The following SGCZ variants were observed in gnomAD, a reference collection of about 807,000 sequenced individuals.
SGCZ encodes the protein zeta-sarcoglycan.
Under a neutral mutation model 41.3 loss-of-function variants are expected in SGCZ, and 40 were observed. The ratio of observed to expected loss-of-function variants is 0.97; its 90% CI spans 0.75 to 1.26. The LOEUF (loss-of-function observed/expected upper bound fraction) is 1.26, where lower values mean the gene tolerates loss of function less well. Ranked by LOEUF, SGCZ falls within the 50% of genes most tolerant of loss-of-function variation. The pLI is 0.00. For synonymous variants in SGCZ, 206 were observed against 137.5 expected, an observed-to-expected ratio of 1.50 and a Z score of -3.49; for missense variants, 552 against 369.8, an observed-to-expected ratio of 1.49 and a Z score of -4.04.
chr8:14,137,080 G>A (rs950468822), intron 5 of SGCZ, among the ~76,000 whole-genome samples: 1 of 152,166 alleles, frequency 6.6e-6, no homozygotes, highest in Admixed American at 6.5e-5. Context: ...GCAGCTATGG[G>A]TCCTGACTGT....
chr8:15,227,538 A>G (rs1485978802), intron 1 of SGCZ, among the ~76,000 whole-genome samples: 2 of 152,222 alleles, frequency 1.3e-5, no homozygotes, highest in African/African-American at 4.8e-5. Context: ...CTTTTGGGGT[A>G]GAAACATAAT....
Position 14,640,525 on chromosome 8 carries a change from T to C in SGCZ, c.40-85599A>G, listed in dbSNP as rs1294484553. ...TTTTCATCAGTTTCACAATAATGTA[T>C]CTTCGTGAATATTCCTCTGTTTTTA... is the stretch of plus-strand genomic sequence containing the variant. On this transcript the variant is annotated intron_variant, in intron 1 of 7. Transcript: ENST00000382080. Among the ~76,000 whole-genome samples, 7 of 151,784 alleles carry C rather than the reference T, an allele frequency of 4.6e-5. No homozygotes were observed. The Admixed American group carries it at 4.6e-4, about 10-fold the overall frequency.
At chr8:14,515,513 G>C (rs549018998) in intron 2 of SGCZ, among the ~76,000 whole-genome samples, 1 of 151,936 alleles carries the variant, frequency 6.6e-6, no homozygotes, top group Non-Finnish European at 1.5e-5. Context: ...ATATAGTCAA[G>C]TACCTTATTT....
At chr8:14,648,599 T>A (rs561163558) in intron 1 of SGCZ, among the ~76,000 whole-genome samples, 3 of 152,154 alleles carry the variant, frequency 2.0e-5, no homozygotes, top group African/African-American at 7.2e-5. Flanking sequence ...AAAGAAAAGG[T>A]TTTTTGTTTT....
intron 1 of SGCZ, among the ~76,000 whole-genome samples, chr8:15,201,274 C>G (rs566816270): frequency 6.6e-6 from 1 of 152,290 alleles, no homozygotes; most frequent in African/African-American, 2.4e-5. Flanking sequence ...ACCTCAGCCT[C>G]CCAAAGTGTT....
chr8:15,005,320 T>G (rs879460052), intron 1 of SGCZ, among the ~76,000 whole-genome samples: 12,990 of 53,732 alleles, frequency 0.24, 801 homozygotes, highest in South Asian at 0.34. Flanking sequence ...CCCCGTTTTT[T>G]TCTTTTTCTT....
chr8:14,522,918 T>C (rs1802833202), intron 2 of SGCZ, among the ~76,000 whole-genome samples: 1 of 151,876 alleles, frequency 6.6e-6, no homozygotes, highest in South Asian at 2.1e-4. Flanking sequence ...ATGTTGTCTT[T>C]TAGTTTTTAT....
intron 1 of SGCZ, among the ~76,000 whole-genome samples, chr8:14,680,545 T>A (rs1288353847): frequency 1.3e-5 from 2 of 150,636 alleles, no homozygotes; most frequent in African/African-American, 4.8e-5. Context: ...ATCACTCATA[T>A]AAACGGAGCA....
intron 1 of SGCZ, chr8:14,878,910 TTTG>T (rs374612950): frequency 0.05 from 7,595 of 152,090 alleles, 222 homozygotes; most frequent in Non-Finnish European, 0.062. Flanking sequence ...TTCTTACAGT[TTTG>T]TTGTTGTTGT....
chr8:14,206,762 G>A (rs929660433), intron 4 of SGCZ, among the ~76,000 whole-genome samples: 13 of 152,146 alleles, frequency 8.5e-5, no homozygotes, highest in African/African-American at 3.1e-4. Flanking sequence ...TGTTAGGAAT[G>A]GCCATGCCAG....
chr8:14,090,727 A>C (rs1288921471), intron 7 of SGCZ, 90 bp from the exon 8 acceptor site: 9 of 1,128,336 alleles, frequency 8.0e-6, no homozygotes, highest in Non-Finnish European at 1.1e-5. Context: ...CTAATAAGGA[A>C]GTCGACACAA....
At chr8:14,384,313 T>C (rs1804487645) in intron 2 of SGCZ, among the ~76,000 whole-genome samples, 1 of 152,148 alleles carries the variant, frequency 6.6e-6, no homozygotes, top group Non-Finnish European at 1.5e-5. Context: ...TTTTTATGGC[T>C]GCACAGTTGT....
At chr8:14,271,863 C>G (rs1421089540) in intron 3 of SGCZ, among the ~76,000 whole-genome samples, 3 of 152,152 alleles carry the variant, frequency 2.0e-5, no homozygotes, top group Non-Finnish European at 4.4e-5. Context: ...AGCTTTACAT[C>G]TCTCTTTATA....
At chr8:14,960,541 C>T (rs1800930862) in intron 1 of SGCZ, among the ~76,000 whole-genome samples, 1 of 152,088 alleles carries the variant, frequency 6.6e-6, no homozygotes, top group Non-Finnish European at 1.5e-5. Context: ...TCTTCATTTT[C>T]TTAATCTTGA....
At chr8:15,203,702 A>C (rs769900600) in intron 1 of SGCZ, among the ~76,000 whole-genome samples, 2 of 152,218 alleles carry the variant, frequency 1.3e-5, no homozygotes, top group Non-Finnish European at 2.9e-5. Flanking sequence ...GACCTCTTAC[A>C]GCCTGCCGTT....
At chr8:14,538,702 C>G (rs1322627881) in intron 2 of SGCZ, among the ~76,000 whole-genome samples, 1 of 151,814 alleles carries the variant, frequency 6.6e-6, no homozygotes, top group South Asian at 2.1e-4. Flanking sequence ...AGCATAAAAT[C>G]TTGGCTATTG....
At chr8:14,367,595 C>T (rs531624008) in intron 2 of SGCZ, among the ~76,000 whole-genome samples, 9 of 152,022 alleles carry the variant, frequency 5.9e-5, no homozygotes, top group South Asian at 2.1e-4. Flanking sequence ...TGGCAGAAGG[C>T]GAAAGAGGAG....
intron 2 of SGCZ, among the ~76,000 whole-genome samples, chr8:14,385,968 T>C (rs562065635): frequency 7.9e-5 from 12 of 152,322 alleles, no homozygotes; most frequent in African/African-American, 2.6e-4. Context: ...TTACTTATAA[T>C]ACCAAATACA....
At chr8:14,539,468 G>C (rs894455004) in intron 2 of SGCZ, among the ~76,000 whole-genome samples, 5 of 151,582 alleles carry the variant, frequency 3.3e-5, no homozygotes, top group African/African-American at 9.7e-5. Context: ...TTCCAAACAA[G>C]AGGATATTGG....
Sources: allele counts gnomAD v4.1 joint callset (sites outside exome capture counted in the v4.1 genomes callset), GRCh38; gene constraint gnomAD v4.1.1; transcripts MANE v1.5; gene names NCBI Gene and HGNC (gene_info 2026-07-23, HGNC 2026-07-21).